The following ADSL variants were observed in gnomAD, a reference collection of about 807,000 sequenced individuals.
The protein encoded by ADSL is adenylosuccinase.
ADSL carries 44 observed loss-of-function variants against 62.1 expected under a neutral mutation model. The ratio of observed to expected loss-of-function variants is 0.71; its 90% CI spans 0.56 to 0.91. The LOEUF (loss-of-function observed/expected upper bound fraction) is 0.91, where lower values mean the gene tolerates loss of function less well. ADSL is among the 40% of genes least tolerant of loss of function. The pLI, the probability that ADSL is intolerant of heterozygous loss-of-function variation, is 0.00. For missense variants in ADSL, 531 were observed against 627.4 expected (o/e 0.85, Z 1.64); for synonymous variants, 198 against 220.5 (o/e 0.90, Z 0.90).
chr22:40,348,897 T>C (rs2044242596), intron 1 of ADSL: 1 of 290,712 alleles, frequency 3.4e-6, no homozygotes, highest in Non-Finnish European at 6.3e-6. Context: ...CAGCTATTTT[T>C]TGCAGCCTAA....
At chr22:40,348,638 C>T (rs2044234365) in intron 1 of ADSL, 1 of 398,482 alleles carries the variant, frequency 2.5e-6, no homozygotes, top group African/African-American at 2.1e-5. Context: ...ACCTTGGCCT[C>T]CCAAAGATGT....
chr22:40,353,466 G>T, intron 3 of ADSL: 1 of 697,102 alleles, frequency 1.4e-6, no homozygotes, highest in South Asian at 1.5e-5. Context: ...CTAATTTTCT[G>T]TAGAAATGGT....
At position 40,359,258 on chromosome 22, in the gene ADSL, A is replaced by C; in HGVS notation, c.655-2A>C. ...TATAAGGATGTGTCTTTTCTTTCCA[A>C]GGTAGAGCAGCTTGACAAGATGGTG... On this transcript the variant is annotated splice_acceptor_variant, in intron 5 of 12. Coordinates refer to ENST00000623063, the MANE Select transcript of ADSL (RefSeq NM_000026.4). LOFTEE classifies it high-confidence loss of function. 6.2e-7 allele frequency: 1 copy of C among 1,614,110 alleles called. No homozygotes were observed. The highest frequency in any genetic ancestry group is 8.5e-7 in the Non-Finnish European group (1 of 1,179,978).
chr22:40,382,892 C>T (rs1165459209), intron 2 of ADSL, among the ~76,000 whole-genome samples: 1 of 152,216 alleles, frequency 6.6e-6, no homozygotes, highest in Non-Finnish European at 1.5e-5. Flanking sequence ...ATTGGCCACA[C>T]AGCCAAGTGG....
intron 2 of ADSL, among the ~76,000 whole-genome samples, chr22:40,377,211 G>T (rs1486047333): frequency 6.6e-6 from 1 of 152,222 alleles, no homozygotes; most frequent in Admixed American, 6.5e-5. Flanking sequence ...TAGGTGGTAG[G>T]CACATGGCCC....
intron 2 of ADSL, among the ~76,000 whole-genome samples, chr22:40,382,780 A>G (rs892438873): frequency 6.6e-5 from 10 of 152,224 alleles, no homozygotes; most frequent in African/African-American, 2.2e-4. Flanking sequence ...TAGGATCTCC[A>G]TGCCAAGCAT....
intron 4 of ADSL, among the ~76,000 whole-genome samples, chr22:40,357,742 T>C (rs2044619877): frequency 6.6e-6 from 1 of 152,244 alleles, no homozygotes. Flanking sequence ...TTTATTCTTT[T>C]AGCACTTAAA....
At chr22:40,356,605 G>A (rs954764915) in intron 4 of ADSL, among the ~76,000 whole-genome samples, 14 of 151,976 alleles carry the variant, frequency 9.2e-5, no homozygotes, top group Admixed American at 5.2e-4. Flanking sequence ...GGCACTTTGC[G>A]GGGCCAAGGC....
intron 4 of ADSL, among the ~76,000 whole-genome samples, chr22:40,355,806 G>T (rs1437050235): frequency 1.3e-5 from 2 of 152,130 alleles, no homozygotes; most frequent in African/African-American, 4.8e-5. Flanking sequence ...GACATTCCTA[G>T]TGTTACGCCT....
intron 2 of ADSL, among the ~76,000 whole-genome samples, chr22:40,382,418 A>G (rs1353032643): frequency 6.6e-6 from 1 of 151,880 alleles, no homozygotes; most frequent in Non-Finnish European, 1.5e-5. Flanking sequence ...GTTTCCTTAG[A>G]TGTCTTGGGG....
downstream of ADSL, chr22:40,372,723 C>T (rs2045830271): frequency 6.6e-6 from 1 of 152,108 alleles, no homozygotes; most frequent in Non-Finnish European, 1.5e-5. Flanking sequence ...TCTTTCTATG[C>T]CTGGAGTGGA....
At chr22:40,349,158 TAATA>T (rs2044251868) in intron 1 of ADSL, among the ~76,000 whole-genome samples, 1 of 152,090 alleles carries the variant, frequency 6.6e-6, no homozygotes, top group Admixed American at 6.5e-5. Flanking sequence ...AATGACAGGT[TAATA>T]AATATGTAAA....
chr22:40,355,233 C>T (rs2044508431), intron 4 of ADSL, among the ~76,000 whole-genome samples: 1 of 152,138 alleles, frequency 6.6e-6, no homozygotes, highest in Admixed American at 6.5e-5. Context: ...ACCTCTACGT[C>T]CTGGGTTCAA....
chr22:40,385,639 G>C (rs2048294786), intron 2 of ADSL, among the ~76,000 whole-genome samples: 1 of 152,200 alleles, frequency 6.6e-6, no homozygotes, highest in Non-Finnish European at 1.5e-5. Flanking sequence ...GTTAAAGCTG[G>C]AGTACAGTCC....
intron 4 of ADSL, among the ~76,000 whole-genome samples, chr22:40,357,402 C>T (rs1434410226): frequency 6.6e-6 from 1 of 151,852 alleles, no homozygotes; most frequent in Admixed American, 6.6e-5. Context: ...TACAGGCATG[C>T]ACCACCACGC....
chr22:40,364,216 TG>T, intron 10 of ADSL, 59 bp from the exon 11 acceptor site: 8 of 1,383,206 alleles, frequency 5.8e-6, no homozygotes, highest in Non-Finnish European at 8.2e-6. Flanking sequence ...CATCCTGCTG[TG>T]TTTATGACTT....
rs772345709 is a variant in ADSL, at chr22:40,349,902, A to G, written c.224A>G (p.Lys75Arg). The change falls in exon 2 of 13, where the codon AAG becomes AGG. Residue 75 changes from lysine (K) to arginine (R), a missense_variant. Lys to Arg is a conservative substitution (Grantham distance 26). Coordinates refer to ENST00000623063, the MANE Select transcript of ADSL (RefSeq NM_000026.4). Reference sequence around the variant, plus strand: ...TCAAACCTGGAGAACATCGACTTCAAGATGGCAGCTGAGGAAGAGAAACGT... The same window carrying G: ...TCAAACCTGGAGAACATCGACTTCAGGATGGCAGCTGAGGAAGAGAAACGT... ...MKSNLENIDF[K>R]MAAEEEKRLR... is the part of the protein sequence containing the mutation. 4.3e-6 allele frequency: 7 copies of G among 1,614,084 alleles called. No individual in the cohort carries two copies. The African/African-American group carries it at 6.7e-5, about 15-fold the overall frequency.
At chr22:40,353,272 GTTTCTTCTTCTCC>G (rs2044417552) in intron 3 of ADSL, 155 bp downstream of exon 3, 1 of 717,854 alleles carries the variant, frequency 1.4e-6, no homozygotes, top group Non-Finnish European at 2.6e-6. Context: ...AGAACTAATT[GTTTCTTCTTCTCC>G]TTTCTTCTTC....
downstream of ADSL, among the ~76,000 whole-genome samples, chr22:40,374,069 C>G (rs973696903): frequency 6.6e-6 from 1 of 152,154 alleles, no homozygotes; most frequent in Admixed American, 6.6e-5. Context: ...TCTCCTGCCT[C>G]AGCCTCCTGA....
Sources: gnomAD v4.1 joint callset for allele counts (sites outside exome capture counted in the v4.1 genomes callset) on GRCh38, gnomAD v4.1.1 for gene constraint, MANE v1.5 for transcripts, NCBI Gene and HGNC (gene_info 2026-07-23, HGNC 2026-07-21) for gene names.